The following ESRRG variants were observed in gnomAD, a reference collection of about 807,000 sequenced individuals.
ESRRG encodes the protein estrogen-related receptor gamma.
Under a neutral mutation model 44.0 loss-of-function variants are expected in ESRRG, and 13 were observed. That is an observed-to-expected ratio of 0.30 (90% confidence interval 0.19 to 0.47). The LOEUF is 0.47. Ranked by LOEUF, ESRRG falls within the 20% of genes least tolerant of loss-of-function variation. The pLI is 1.00. For synonymous variants in ESRRG, 215 were observed against 214.6 expected, an observed-to-expected ratio of 1.00 and a Z score of -0.02; for missense variants, 395 against 580.6, an observed-to-expected ratio of 0.68 and a Z score of 3.29.
Position 216,956,154 on chromosome 1 carries a change from C to T in ESRRG, c.-105-16481G>A, listed in dbSNP as rs543005377. Among the ~76,000 whole-genome samples, 119 of 152,016 alleles carry T rather than the reference C, an allele frequency of 7.8e-4. 3 individuals are homozygous for T. The South Asian group carries it at 0.023, about 30-fold the overall frequency. On this transcript the variant is annotated intron_variant, in intron 1 of 7. Transcript: ENST00000359162. The stretch of plus-strand genomic sequence containing the variant: ...TGAAGAGTTTCCTGTATGTTTTTTT[C>T]TAGTAGTTTATAGTTTCAGGTCTTC...
intron 2 of ESRRG, among the ~76,000 whole-genome samples, chr1:216,735,628 A>G (rs1416459655): frequency 6.6e-6 from 1 of 152,154 alleles, no homozygotes; most frequent in African/African-American, 2.4e-5. Context: ...TTAACATTAC[A>G]TTTATAAATA....
intron 1 of ESRRG, among the ~76,000 whole-genome samples, chr1:216,693,380 T>C (rs2079463230): frequency 6.6e-6 from 1 of 152,174 alleles, no homozygotes; most frequent in Non-Finnish European, 1.5e-5. Context: ...AATCCTCTTG[T>C]CTTGGCCTCC....
chr1:217,055,550 T>G (rs1260562408), intron 1 of ESRRG, among the ~76,000 whole-genome samples: 1 of 152,130 alleles, frequency 6.6e-6, no homozygotes, highest in Non-Finnish European at 1.5e-5. Context: ...CTGGCAACCT[T>G]CATGTACCCC....
chr1:216,506,460 A>C lies in ESRRG; in HGVS notation c.*479T>G. On this transcript the variant is annotated 3_prime_UTR_variant, in exon 7 of 7. Coordinates refer to ENST00000408911, the MANE Select transcript of ESRRG (RefSeq NM_001438.4). Reference sequence around the variant, plus strand: ...AAGAAGGTCAAGAGGAAAGGAAAGGAAAGGGAAAAGGAAAGGGAAAAAGGA... The same window carrying C: ...AAGAAGGTCAAGAGGAAAGGAAAGGCAAGGGAAAAGGAAAGGGAAAAAGGA... 2 of 334,204 alleles carry C rather than the reference A, an allele frequency of 6.0e-6. No individual in the cohort carries two copies. Among genetic ancestry groups the C allele is most frequent in the Non-Finnish European group, 1.2e-5 (2 of 171,944 alleles). 20.7% of individuals were successfully genotyped at this position (334,204 alleles called of 1,614,324 possible).
At chr1:216,787,255 T>A (rs993637672) in intron 2 of ESRRG, among the ~76,000 whole-genome samples, 11 of 152,058 alleles carry the variant, frequency 7.2e-5, no homozygotes, top group African/African-American at 2.7e-4. Flanking sequence ...TCTCTCTCTG[T>A]CCTTGGCCAT....
intron 5 of ESRRG, among the ~76,000 whole-genome samples, chr1:216,545,118 A>G (rs1572682969): frequency 6.6e-6 from 1 of 151,628 alleles, no homozygotes; most frequent in Non-Finnish European, 1.5e-5. Flanking sequence ...TGGCACAATC[A>G]TAGCTTACTC....
chr1:216,744,591 C>T (rs530015005), intron 2 of ESRRG, among the ~76,000 whole-genome samples: 3 of 152,076 alleles, frequency 2.0e-5, no homozygotes, highest in Non-Finnish European at 4.4e-5. Context: ...CAAAATTTGT[C>T]CAACAATTAA....
rs1466300254 is a variant in ESRRG at position 216,677,437 on chromosome 1, G to A, written c.111C>T (p.Ser37=). ...GGCTGGAAGGTTCCGTCTTGATGAA[G>A]GACGAACAGCTGGAATCAATGTGTC... is the stretch of plus-strand genomic sequence containing the variant. The part of the protein sequence containing the change: ...KDRHIDSSCS[S]FIKTEPSSPA... The change falls in exon 2 of 7, where the codon TCC becomes TCT. Residue 37 remains serine (S), a synonymous_variant. Transcript: ENST00000408911. 3 of 1,613,988 alleles carry A rather than the reference G, an allele frequency of 1.9e-6. No individual in the cohort carries two copies. The highest frequency in any genetic ancestry group is 2.5e-6 in the Non-Finnish European group (3 of 1,179,926).
At chr1:217,037,788 C>T (rs1036657002) in intron 1 of ESRRG, among the ~76,000 whole-genome samples, 7 of 152,186 alleles carry the variant, frequency 4.6e-5, no homozygotes, top group African/African-American at 1.7e-4. Flanking sequence ...AAATTAGTTA[C>T]TTCCTAGATA....
In ESRRG at chr1:216,567,862, C is replaced by T. The variant is rs1047677062; in HGVS notation, c.700+126G>A. 9.6e-6 allele frequency: 6 copies of T among 625,104 alleles called. No individual in the cohort carries two copies. In the African/African-American group the frequency reaches 1.1e-4, roughly 11 times the overall value. 38.7% of individuals were successfully genotyped at this position (625,104 alleles called of 1,614,324 possible). ...CACAGACAATCTTTGGGAATAGAGC[C>T]ACTGTTCTCCAACAAAGAGAAGTCT... On this transcript the variant is annotated intron_variant, in intron 4 of 6. Coordinates refer to ENST00000408911, the MANE Select transcript of ESRRG (RefSeq NM_001438.4).
At position 216,705,074 on chromosome 1, in the gene ESRRG, T is replaced by C. The variant is rs115786416; in HGVS notation, c.56+18170A>G. 6.6e-3 allele frequency among the ~76,000 whole-genome samples: 1,003 copies of C among 152,294 alleles called. 5 individuals carry two copies. Among genetic ancestry groups the C allele is most frequent in the Non-Finnish European group, 0.011 (719 of 68,014 alleles). On this transcript the variant is annotated intron_variant, in intron 1 of 6. Coordinates refer to ENST00000408911, the MANE Select transcript of ESRRG (RefSeq NM_001438.4). Reference sequence around the variant, plus strand: ...GCAACAGTGTCTATTTCAGTATAAATGACTTGTTTGACTCTAGTTTACAAT... The same window carrying C: ...GCAACAGTGTCTATTTCAGTATAAACGACTTGTTTGACTCTAGTTTACAAT...
At chr1:216,665,750 C>A (rs1312060236) in intron 2 of ESRRG, among the ~76,000 whole-genome samples, 1 of 152,062 alleles carries the variant, frequency 6.6e-6, no homozygotes, top group Non-Finnish European at 1.5e-5. Context: ...AACAGATTAG[C>A]TTTTAAGTAT....
At chr1:216,666,928 C>T (rs2074053830) in intron 2 of ESRRG, among the ~76,000 whole-genome samples, 1 of 152,108 alleles carries the variant, frequency 6.6e-6, no homozygotes, top group African/African-American at 2.4e-5. Context: ...GTTAAGAGAA[C>T]TCTCCTCCCC....
intron 2 of ESRRG, among the ~76,000 whole-genome samples, chr1:216,796,477 A>G (rs1166953909): frequency 6.6e-6 from 1 of 152,186 alleles, no homozygotes; most frequent in Non-Finnish European, 1.5e-5. Context: ...CACAGTTCCT[A>G]TCTTTGCATC....
intron 2 of ESRRG, among the ~76,000 whole-genome samples, chr1:216,882,029 G>T (rs2096456000): frequency 6.7e-6 from 1 of 150,166 alleles, no homozygotes; most frequent in Admixed American, 6.6e-5. Context: ...ATGACATTTT[G>T]TATGGTGTTT....
chr1:216,737,390 A>G (rs1267328267), intron 2 of ESRRG, among the ~76,000 whole-genome samples: 2 of 94,984 alleles, frequency 2.1e-5, no homozygotes, highest in Non-Finnish European at 4.3e-5. Flanking sequence ...GATGACTCCA[A>G]TCTCATATTG....
chr1:217,026,962 G>A (rs1253025525), intron 1 of ESRRG, among the ~76,000 whole-genome samples: 2 of 149,080 alleles, frequency 1.3e-5, no homozygotes, highest in African/African-American at 2.5e-5. Context: ...GCCCAGTCTA[G>A]GGTATCATGG....
At chr1:217,069,257 A>T (rs2090224324) in intron 1 of ESRRG, among the ~76,000 whole-genome samples, 1 of 152,096 alleles carries the variant, frequency 6.6e-6, no homozygotes, top group Non-Finnish European at 1.5e-5. Flanking sequence ...GCCCTCGAAC[A>T]TCTGACTCCA....
chr1:217,052,472 A>G (rs1219619487), intron 1 of ESRRG, among the ~76,000 whole-genome samples: 1 of 152,200 alleles, frequency 6.6e-6, no homozygotes, highest in Non-Finnish European at 1.5e-5. Flanking sequence ...TTACAGCTTG[A>G]GTAGTAACCA....
Sources: gnomAD v4.1 joint callset for allele counts (sites outside exome capture counted in the v4.1 genomes callset) on GRCh38, gnomAD v4.1.1 for gene constraint, MANE v1.5 for transcripts, NCBI Gene and HGNC (gene_info 2026-07-23, HGNC 2026-07-21) for gene names.